Variants in GARS1 observed in about 807,000 individuals in gnomAD.
The protein encoded by GARS1 is glycine--tRNA ligase.
A neutral mutation model predicts 86.4 loss-of-function variants in GARS1; 46 were observed. That is an observed-to-expected ratio of 0.53 (90% CI 0.42 to 0.68). GARS1 has a LOEUF of 0.68. GARS1 is among the 30% of genes least tolerant of loss of function. GARS1 has a pLI of 0.00. For missense variants in GARS1, 797 were observed against 915.6 expected (o/e 0.87, Z 1.67); for synonymous variants, 342 against 329.8 (o/e 1.04, Z -0.40).
chr7:30,594,789 G>C, upstream of GARS1: 1 of 746,572 alleles, frequency 1.3e-6, no homozygotes, highest in East Asian at 2.9e-5. Flanking sequence ...ACCCGGCGCC[G>C]CGTCACGCGG....
chr7:30,628,533 G>A (rs746440910), intron 13 of GARS1, 27 bp from the exon 14 acceptor site: 1 of 1,469,154 alleles, frequency 6.8e-7, no homozygotes, highest in Non-Finnish European at 9.5e-7. Context: ...TTGAGAGAAT[G>A]TTATTGAATT....
chr7:30,596,242 C>T (rs1245870975), intron 1 of GARS1, among the ~76,000 whole-genome samples: 1 of 152,194 alleles, frequency 6.6e-6, no homozygotes, highest in Non-Finnish European at 1.5e-5. Flanking sequence ...GCCACTTTGC[C>T]ATCTGTCCTC....
chr7:30,609,807 G>A (rs1791561448), intron 7 of GARS1, 77 bp downstream of exon 7: 4 of 1,422,820 alleles, frequency 2.8e-6, no homozygotes, highest in Non-Finnish European at 3.9e-6. Context: ...AAATATCAAT[G>A]TTATGAAGGA....
At chr7:30,603,143 C>G (rs1352343094) in intron 5 of GARS1, 21 bp downstream of exon 5, 2 of 1,560,746 alleles carry the variant, frequency 1.3e-6, no homozygotes, top group African/African-American at 2.7e-5. Context: ...TCATCTCCTT[C>G]AGGTAGGATT....
At position 30,603,532 on chromosome 7, in the gene GARS1, C is replaced by T. The variant is rs1791422922; in HGVS notation, c.695C>T (p.Ser232Phe). The T allele has an allele frequency of 6.2e-7, 1 of 1,613,888 alleles. No individual in the cohort carries two copies. The highest frequency in any genetic ancestry group is 1.3e-5 in the African/African-American group (1 of 75,046). The change falls in exon 6 of 17, where the codon TCT (serine) becomes TTT (phenylalanine). Residue 232 changes from serine (S) to phenylalanine (F), a missense_variant. Around this residue, in one of 2 missense-constraint regions of GARS1, gnomAD observed 598 missense variants for 738.7 expected, o/e 0.81. Coordinates refer to ENST00000389266, the MANE Select transcript of GARS1 (RefSeq NM_002047.4). ...LQKLMSDKKCSVEKKSEMESV... is the reference protein window; with the variant it reads ...LQKLMSDKKCFVEKKSEMESV... ...AAATTGATGTCTGATAAGAAGTGTT[C>T]TGTCGAAAAGAAATCAGAAATGGAA...
At chr7:30,625,297 A>G (rs1783105239) in intron 12 of GARS1, among the ~76,000 whole-genome samples, 1 of 152,212 alleles carries the variant, frequency 6.6e-6, no homozygotes, top group Admixed American at 6.5e-5. Flanking sequence ...CTGTGCTCAC[A>G]GAGAGAATGC....
At position 30,632,578 on chromosome 7, in the gene GARS1, G is replaced by A; in HGVS notation, c.2094+141G>A. On this transcript the variant is annotated intron_variant, in intron 16 of 16. Transcript: ENST00000389266. The surrounding 1 kb of genome is among the most constrained non-coding windows in gnomAD (Gnocchi z 4.1). ...TAATGAACGGCTTGTATCAGACAGA[G>A]CCCAGATTCTCAAGTCCCCCGGTTT... The A allele has an allele frequency of 1.2e-6, 1 of 828,060 alleles. No homozygotes were observed. The highest frequency in any genetic ancestry group is 1.5e-5 in the South Asian group (1 of 64,788). The allele number at this position is 828,060 out of a possible 1,614,324, so 51.3% of individuals were successfully genotyped here.
chr7:30,627,245 G>A, intron 13 of GARS1: 1 of 342,068 alleles, frequency 2.9e-6, no homozygotes, highest in Non-Finnish European at 5.8e-6. Flanking sequence ...GCTTCAGTGA[G>A]CAGTGTTAGG....
At chr7:30,606,410 G>A (rs1791486702) in intron 6 of GARS1, among the ~76,000 whole-genome samples, 1 of 150,030 alleles carries the variant, frequency 6.7e-6, no homozygotes, top group Non-Finnish European at 1.5e-5. Context: ...GAGAATAAGT[G>A]CTTCATCCAT....
chr7:30,628,199 T>C lies in GARS1; in HGVS notation c.1700-361T>C, dbSNP rs537566001. 1.6e-3 allele frequency among the ~76,000 whole-genome samples: 243 copies of C among 152,120 alleles called. 1 individual carries two copies. Among genetic ancestry groups the C allele is most frequent in the African/African-American group, 5.5e-3 (229 of 41,530 alleles). The stretch of plus-strand genomic sequence containing the variant: ...TTTTCTTTTCTTTTCTTTTTTTTTT[T>C]TTGAGATGAAGTCTCGCCCTTGCCT... On this transcript the variant is annotated intron_variant, in intron 13 of 16. Transcript: ENST00000389266.
intron 1 of GARS1, among the ~76,000 whole-genome samples, chr7:30,597,094 G>C (rs1464224636): frequency 6.6e-6 from 1 of 152,210 alleles, no homozygotes; most frequent in Non-Finnish European, 1.5e-5. Context: ...GGGAAGACTC[G>C]TATCTTTTGC....
chr7:30,605,066 A>G (rs757087545), intron 6 of GARS1, among the ~76,000 whole-genome samples: 7 of 152,336 alleles, frequency 4.6e-5, no homozygotes, highest in Admixed American at 6.5e-5. Context: ...ATAATCTTCA[A>G]TGAAAAGTAA....
intron 8 of GARS1, among the ~76,000 whole-genome samples, chr7:30,615,517 T>G (rs974965374): frequency 2.0e-5 from 3 of 152,222 alleles, no homozygotes; most frequent in Admixed American, 6.5e-5. Flanking sequence ...ACAAGTTATT[T>G]TCAGTTAAAA....
At position 30,603,068 on chromosome 7, in the gene GARS1, A is replaced by G. The variant is rs778174386; in HGVS notation, c.604A>G (p.Met202Val). 6.2e-7 allele frequency: 1 copy of G among 1,613,822 alleles called. No individual in the cohort carries two copies. The highest frequency in any genetic ancestry group is 1.3e-5 in the African/African-American group (1 of 74,922). ...CCATGTAGACAAATTTGCTGACTTC[A>G]TGGTGAAAGACGTAAAAAATGGAGA... is the stretch of plus-strand genomic sequence containing the variant. ...SGHVDKFADF[M>V]VKDVKNGECF... Residue 202 changes from methionine to valine, a missense_variant, in exon 5 of 17, where the codon ATG becomes GTG. Around this residue, in one of 2 missense-constraint regions of GARS1, gnomAD observed 598 missense variants for 738.7 expected, o/e 0.81. Coordinates refer to ENST00000389266, the MANE Select transcript of GARS1 (RefSeq NM_002047.4).
Position 30,631,519 on chromosome 7 carries a change from C to T in GARS1, c.1881C>T (p.Phe627=). The T allele has an allele frequency of 6.2e-7, 1 of 1,613,024 alleles. No individual in the cohort carries two copies. Among genetic ancestry groups the T allele is most frequent in the Non-Finnish European group, 8.5e-7 (1 of 1,179,106 alleles). ...SVLPLSQNQE[F]MPFVKELSEA... ...TCCCACTGAGCCAAAACCAGGAGTT[C>T]ATGCCATTTGTCAAGGAATTATGTA... is the stretch of plus-strand genomic sequence containing the variant. Residue 627 remains phenylalanine (F), a synonymous_variant, in exon 15 of 17, where the codon TTC becomes TTT. Coordinates refer to ENST00000389266, the MANE Select transcript of GARS1 (RefSeq NM_002047.4).
intron 1 of GARS1, 37 bp from the exon 2 acceptor site, chr7:30,598,759 A>G (rs1791313302): frequency 6.5e-7 from 1 of 1,540,808 alleles, no homozygotes; most frequent in African/African-American, 1.4e-5. Context: ...TTAACTTCTG[A>G]AACCAATCCT....
In GARS1 at chr7:30,611,723, A is replaced by T. The variant is rs1038157233; in HGVS notation, c.882-373A>T. 3.3e-5 allele frequency among the ~76,000 whole-genome samples: 5 copies of T among 152,288 alleles called. No homozygotes were observed. The East Asian group carries it at 9.6e-4, about 29-fold the overall frequency. The stretch of plus-strand genomic sequence containing the variant: ...GATCTCGAACTCCCAACCTCAGGTG[A>T]TCCGCCCACTTCAGCCTCCCAAAGT... On this transcript the variant is annotated intron_variant, in intron 7 of 16. Transcript: ENST00000389266.
At chr7:30,623,544 A>G (rs1364146759) in intron 12 of GARS1, among the ~76,000 whole-genome samples, 3 of 152,226 alleles carry the variant, frequency 2.0e-5, no homozygotes, top group Non-Finnish European at 4.4e-5. Flanking sequence ...CATAGCAACT[A>G]TCCAAAATGA....
chr7:30,615,863 A>G (rs775717852), intron 8 of GARS1, 33 bp from the exon 9 acceptor site: 3 of 1,611,966 alleles, frequency 1.9e-6, no homozygotes, highest in East Asian at 2.2e-5. Flanking sequence ...GTAGTTAAAT[A>G]TGCAGGTTTA....
Sources: gnomAD v4.1 joint callset for allele counts (sites outside exome capture counted in the v4.1 genomes callset) on GRCh38, gnomAD v4.1.1 for gene constraint, gnomAD v4.1.1 regional missense constraint, Gnocchi (gnomAD v3.1) non-coding constraint, MANE v1.5 for transcripts, NCBI Gene and HGNC (gene_info 2026-07-23, HGNC 2026-07-21) for gene names.